Variants in BMPR1B observed in about 807,000 individuals in gnomAD.
BMPR1B encodes the protein bone morphogenetic protein receptor type 1B, also known as bone morphogenetic protein receptor type-1B.
A neutral mutation model predicts 59.1 loss-of-function variants in BMPR1B; 12 were observed. That is an observed-to-expected ratio of 0.20 (90% confidence interval 0.13 to 0.33). The LOEUF (loss-of-function observed/expected upper bound fraction) is 0.33, where lower values mean the gene tolerates loss of function less well. Among genes scored for constraint, BMPR1B ranks in the 10% least tolerant of loss-of-function variants. The probability of loss-of-function intolerance (pLI) is 1.00; values close to 1 mark genes in which losing one functional copy is unlikely to be tolerated. For missense variants in BMPR1B, 550 were observed against 610.9 expected (o/e 0.90, Z 1.05); for synonymous variants, 237 against 207.3 (o/e 1.14, Z -1.23).
At chr4:95,058,278 G>C (rs1411728609) in intron 3 of BMPR1B, among the ~76,000 whole-genome samples, 1 of 152,050 alleles carries the variant, frequency 6.6e-6, no homozygotes, top group Non-Finnish European at 1.5e-5. Flanking sequence ...ATTTCTTCTG[G>C]AGTCCAGAGG....
intron 1 of BMPR1B, among the ~76,000 whole-genome samples, chr4:94,859,666 C>T (rs1275512348): frequency 6.6e-6 from 1 of 151,744 alleles, no homozygotes; most frequent in Non-Finnish European, 1.5e-5. Flanking sequence ...AGATCTTAAA[C>T]CAGGTAGCAT....
intron 5 of BMPR1B, among the ~76,000 whole-genome samples, chr4:95,115,282 A>C (rs1210228953): frequency 6.6e-6 from 1 of 152,190 alleles, no homozygotes; most frequent in Admixed American, 6.6e-5. Context: ...TGTAATTTAG[A>C]AAACTGAAAT....
At chr4:94,910,728 C>T (rs936647956) in intron 2 of BMPR1B, among the ~76,000 whole-genome samples, 1 of 150,548 alleles carries the variant, frequency 6.6e-6, no homozygotes, top group African/African-American at 2.5e-5. Flanking sequence ...GGCAACATAG[C>T]GAGACCCCCA....
intron 1 of BMPR1B, among the ~76,000 whole-genome samples, chr4:94,850,486 ATGTT>A (rs139262732): frequency 0.12 from 18,516 of 152,182 alleles, 1,168 homozygotes; most frequent in Non-Finnish European, 0.13. Flanking sequence ...TGGTGTGAAA[ATGTT>A]TGTGATTTCT....
intron 10 of BMPR1B, among the ~76,000 whole-genome samples, chr4:95,147,174 A>G (rs969260258): frequency 8.5e-5 from 13 of 152,172 alleles, no homozygotes; most frequent in African/African-American, 2.9e-4. Context: ...GAGTACACTG[A>G]TGACATATCT....
intron 1 of BMPR1B, among the ~76,000 whole-genome samples, chr4:94,792,464 A>T (rs961960253): frequency 3.3e-5 from 5 of 151,824 alleles, no homozygotes; most frequent in Non-Finnish European, 7.4e-5. Flanking sequence ...TTTTTTCCAG[A>T]TTACAACATA....
chr4:95,042,159 C>A (rs571242653), intron 3 of BMPR1B, among the ~76,000 whole-genome samples: 1 of 152,174 alleles, frequency 6.6e-6, no homozygotes, highest in East Asian at 1.9e-4. Flanking sequence ...CCCAGCCAAT[C>A]CAAAACTTTT....
At chr4:94,941,200 C>T (rs1385625653) in intron 2 of BMPR1B, among the ~76,000 whole-genome samples, 2 of 152,108 alleles carry the variant, frequency 1.3e-5, no homozygotes, top group Non-Finnish European at 2.9e-5. Context: ...GAGGCCAAGG[C>T]AGGCAGATCA....
At chr4:95,066,107 T>A (rs1727780133) in intron 3 of BMPR1B, among the ~76,000 whole-genome samples, 1 of 152,192 alleles carries the variant, frequency 6.6e-6, no homozygotes, top group African/African-American at 2.4e-5. Flanking sequence ...TGAACCTTTA[T>A]CATGGTCTCT....
At chr4:94,875,787 T>TAG (rs1175207474) in intron 1 of BMPR1B, 44 bp from the exon 2 acceptor site, 2 of 152,656 alleles carry the variant, frequency 1.3e-5, no homozygotes, top group African/African-American at 4.8e-5. Context: ...TAAACCTTTC[T>TAG]CAAGCCACAA....
chr4:94,817,973 A>G (rs565701011), intron 1 of BMPR1B, among the ~76,000 whole-genome samples: 3 of 152,280 alleles, frequency 2.0e-5, no homozygotes, highest in East Asian at 1.9e-4. Flanking sequence ...CACCTGGGGA[A>G]CTTTCAAAAT....
At chr4:94,942,812 C>T (rs1478160554) in intron 2 of BMPR1B, among the ~76,000 whole-genome samples, 4 of 152,142 alleles carry the variant, frequency 2.6e-5, no homozygotes, top group Non-Finnish European at 5.9e-5. Flanking sequence ...TATGTTCATG[C>T]AGATAAATAT....
chr4:94,794,924 G>C (rs1206991404), intron 1 of BMPR1B, among the ~76,000 whole-genome samples: 11 of 146,758 alleles, frequency 7.5e-5, no homozygotes, highest in Admixed American at 1.4e-4. Flanking sequence ...TTTGGGCTGA[G>C]ACAATGGGGT....
At chr4:94,958,203 T>C (rs1385676899) in intron 2 of BMPR1B, among the ~76,000 whole-genome samples, 1 of 152,230 alleles carries the variant, frequency 6.6e-6, no homozygotes, top group Non-Finnish European at 1.5e-5. Flanking sequence ...AGCAGATTAC[T>C]TCATTTCTTT....
At chr4:94,989,659 A>G (rs1721621053) in intron 2 of BMPR1B, among the ~76,000 whole-genome samples, 1 of 152,170 alleles carries the variant, frequency 6.6e-6, no homozygotes, top group Non-Finnish European at 1.5e-5. Context: ...TTCTATTGAA[A>G]TTGTATGGGA....
chr4:95,114,399 G>T (rs1231109185), intron 4 of BMPR1B, among the ~76,000 whole-genome samples: 1 of 152,026 alleles, frequency 6.6e-6, no homozygotes, highest in Non-Finnish European at 1.5e-5. Flanking sequence ...TCTGTGAAGG[G>T]CCAAAATAAG....
intron 3 of BMPR1B, among the ~76,000 whole-genome samples, chr4:95,020,018 TTATTA>T (rs1723858688): frequency 6.6e-6 from 1 of 152,170 alleles, no homozygotes; most frequent in South Asian, 2.1e-4. Context: ...ACCTTATAGT[TTATTA>T]TATAATAATA....
intron 3 of BMPR1B, among the ~76,000 whole-genome samples, chr4:95,056,117 T>G (rs941596452): frequency 2.0e-5 from 3 of 152,088 alleles, no homozygotes; most frequent in Non-Finnish European, 4.4e-5. Context: ...AACAATTATC[T>G]TAATCAGCTA....
At chr4:94,969,817 T>C (rs1291909482) in intron 2 of BMPR1B, among the ~76,000 whole-genome samples, 3 of 152,208 alleles carry the variant, frequency 2.0e-5, no homozygotes, top group Admixed American at 2.0e-4. Flanking sequence ...GTCTGGCAGA[T>C]GGTATTTGCC....
Sources: gnomAD v4.1 joint callset for allele counts (sites outside exome capture counted in the v4.1 genomes callset) on GRCh38, gnomAD v4.1.1 for gene constraint, MANE v1.5 for transcripts, NCBI Gene and HGNC (gene_info 2026-07-23, HGNC 2026-07-21) for gene names.